Variants in C1orf185 observed in about 807,000 individuals in gnomAD.
The protein encoded by C1orf185 is uncharacterized protein C1orf185.
A neutral mutation model predicts 16.1 loss-of-function variants in C1orf185; 13 were observed. The observed-to-expected ratio is 0.81, with a 90% CI of 0.53 to 1.28. The LOEUF is 1.28. Ranked by LOEUF, C1orf185 falls within the 50% of genes most tolerant of loss-of-function variation. C1orf185 has a pLI of 0.00. For synonymous variants in C1orf185, 80 were observed against 76.9 expected (o/e 1.04, Z -0.21); for missense variants, 220 against 225.2 (o/e 0.98, Z 0.15).
intron 3 of C1orf185, among the ~76,000 whole-genome samples, chr1:51,120,913 G>A (rs1285405380): frequency 6.6e-6 from 1 of 152,166 alleles, no homozygotes; most frequent in East Asian, 1.9e-4. Flanking sequence ...AATTTTTAGT[G>A]TAGTGGGAGA....
intron 3 of C1orf185, among the ~76,000 whole-genome samples, chr1:51,145,092 C>A (rs1570323895): frequency 6.6e-6 from 1 of 152,116 alleles, no homozygotes; most frequent in Non-Finnish European, 1.5e-5. Flanking sequence ...CAACACTATA[C>A]TTCCCAGAAC....
At chr1:51,147,388 C>A in intron 4 of C1orf185, 79 bp from the exon 5 acceptor site, 1 of 1,286,616 alleles carries the variant, frequency 7.8e-7, no homozygotes, top group Non-Finnish European at 1.1e-6. Context: ...TAGCATTATC[C>A]TGCCCATTCT....
In C1orf185 at chr1:51,144,931, A is replaced by C. The variant is rs189124710; in HGVS notation, c.259-793A>C. On this transcript the variant is annotated intron_variant, in intron 3 of 4. Transcript: ENST00000371759. ...ATCTAGTGATCTAAGAAAAACCTGA[A>C]TTTGAATCACTTGCAGAATGTGTTA... 7.4e-4 allele frequency among the ~76,000 whole-genome samples: 113 copies of C among 152,146 alleles called. 2 individuals carry two copies. The highest frequency in any genetic ancestry group is 2.7e-3 in the African/African-American group (112 of 41,518).
intron 3 of C1orf185, among the ~76,000 whole-genome samples, chr1:51,131,300 C>A (rs758094500): frequency 2.8e-4 from 43 of 152,198 alleles, no homozygotes; most frequent in Non-Finnish European, 3.8e-4. Flanking sequence ...AAAAAGTAAA[C>A]ACAATGAATT....
At chr1:51,112,656 A>G in intron 2 of C1orf185, 87 bp downstream of exon 2, 1 of 1,193,616 alleles carries the variant, frequency 8.4e-7, no homozygotes, top group Non-Finnish European at 1.2e-6. Flanking sequence ...AACTTAAATA[A>G]CTATGATAGT....
Position 51,114,130 on chromosome 1 carries a change from T to C in C1orf185, c.122+1561T>C, listed in dbSNP as rs543199437. On this transcript the variant is annotated intron_variant, in intron 2 of 4. Transcript: ENST00000371759. ...GAGCAAATACAAAGACCCTAAGGAA[T>C]GGTCTTGACATGTTTAACAAACAGA... 5.9e-5 allele frequency among the ~76,000 whole-genome samples: 9 copies of C among 152,312 alleles called. No individual in the cohort carries two copies. The South Asian group carries it at 1.9e-3, about 32-fold the overall frequency.
chr1:51,115,247 A>G (rs1557644579), intron 2 of C1orf185, among the ~76,000 whole-genome samples: 1 of 152,120 alleles, frequency 6.6e-6, no homozygotes, highest in Non-Finnish European at 1.5e-5. Flanking sequence ...CTGAGGCAGG[A>G]GAATCACTTG....
intron 3 of C1orf185, among the ~76,000 whole-genome samples, chr1:51,126,960 T>C (rs1379029212): frequency 6.6e-6 from 1 of 152,174 alleles, no homozygotes. Context: ...GTTTGTAAAA[T>C]GTCCCTCAAT....
At position 51,123,590 on chromosome 1, in the gene C1orf185, A is replaced by T. The variant is rs1203218788; in HGVS notation, c.258+4789A>T. 4.6e-5 allele frequency among the ~76,000 whole-genome samples: 7 copies of T among 152,268 alleles called. No homozygotes were observed. In the South Asian group the frequency reaches 1.5e-3, roughly 32 times the overall value. ...GTGTGTAGTTTAATAAGAAAGTGCC[A>T]ATTTTTCTTCCAAAGTATATCACTC... On this transcript the variant is annotated intron_variant, in intron 3 of 4. Transcript: ENST00000371759.
chr1:51,115,073 A>G lies in C1orf185; in HGVS notation c.122+2504A>G, dbSNP rs1015634918. ...ACATAATATTTTTGAGGCCGGGCGC[A>G]GTGGCTGACGTCTGTAATCCCAACA... On this transcript the variant is annotated intron_variant, in intron 2 of 4. Coordinates refer to ENST00000371759, the MANE Select transcript of C1orf185 (RefSeq NM_001136508.2). Among the ~76,000 whole-genome samples the G allele has an allele frequency of 3.3e-5, 5 of 152,038 alleles. No homozygotes were observed. The East Asian group carries it at 9.7e-4, about 29-fold the overall frequency.
intron 3 of C1orf185, among the ~76,000 whole-genome samples, chr1:51,124,950 C>T (rs1357401002): frequency 1.3e-5 from 2 of 152,188 alleles, no homozygotes; most frequent in African/African-American, 4.8e-5. Flanking sequence ...CTTCCTTAAT[C>T]TTAAAGGGTC....
Position 51,118,806 on chromosome 1 carries a change from G to T in C1orf185, c.258+5G>T. 3 of 1,409,180 alleles carry T rather than the reference G, an allele frequency of 2.1e-6. No individual in the cohort carries two copies. In the South Asian group the frequency reaches 5.0e-5, roughly 23 times the overall value. 87.3% of individuals were successfully genotyped at this position (1,409,180 alleles called of 1,614,324 possible). A position where few individuals can be genotyped will look rare whatever the true frequency, so the allele number is the denominator to read the frequency against. On this transcript the variant is annotated splice_donor_5th_base_variant and intron_variant, in intron 3 of 4. Transcript: ENST00000371759. The stretch of plus-strand genomic sequence containing the variant: ...ACTGGGAGATTCCAATTACAGGTAG[G>T]GTGTAATATTTTATAGTAATCTTTT...
At chr1:51,143,381 T>C (rs555808709) in intron 3 of C1orf185, among the ~76,000 whole-genome samples, 1 of 152,298 alleles carries the variant, frequency 6.6e-6, no homozygotes, top group East Asian at 1.9e-4. Context: ...TTCTCTGTTA[T>C]TTTATTACCA....
chr1:51,111,062 T>C (rs1646113482), intron 1 of C1orf185, among the ~76,000 whole-genome samples: 1 of 152,192 alleles, frequency 6.6e-6, no homozygotes, highest in Admixed American at 6.6e-5. Flanking sequence ...GTTTACTTTA[T>C]GCAGCTTTCA....
intron 1 of C1orf185, among the ~76,000 whole-genome samples, chr1:51,102,826 CA>C (rs1257556599): frequency 6.6e-6 from 1 of 151,962 alleles, no homozygotes; most frequent in East Asian, 1.9e-4. Flanking sequence ...CATTAGTTTT[CA>C]AACTTCTTTT....
intron 3 of C1orf185, among the ~76,000 whole-genome samples, chr1:51,137,847 T>A (rs1570317559): frequency 6.6e-6 from 1 of 152,174 alleles, no homozygotes; most frequent in South Asian, 2.1e-4. Context: ...ATGGTACATA[T>A]ACATTATGGA....
chr1:51,104,967 T>C (rs1646058206), intron 1 of C1orf185, among the ~76,000 whole-genome samples: 2 of 151,538 alleles, frequency 1.3e-5, no homozygotes, highest in South Asian at 4.1e-4. Flanking sequence ...CTTTTTCTTC[T>C]CCATTTTTTT....
downstream of C1orf185, among the ~76,000 whole-genome samples, chr1:51,151,879 C>T (rs755284286): frequency 9.2e-5 from 14 of 151,852 alleles, no homozygotes; most frequent in African/African-American, 3.4e-4. Flanking sequence ...TTAGTAGAGA[C>T]GGGGTTTCAC....
At chr1:51,129,426 CAT>C (rs1646267306) in intron 3 of C1orf185, among the ~76,000 whole-genome samples, 1 of 151,982 alleles carries the variant, frequency 6.6e-6, no homozygotes, top group African/African-American at 2.4e-5. Context: ...AGTCATGTAA[CAT>C]GTGGTCTTTT....
Sources: allele counts gnomAD v4.1 joint callset (sites outside exome capture counted in the v4.1 genomes callset), GRCh38; gene constraint gnomAD v4.1.1; transcripts MANE v1.5; gene names NCBI Gene and HGNC (gene_info 2026-07-23, HGNC 2026-07-21).